Variants in SLC26A5 observed in about 807,000 individuals in gnomAD.
The protein encoded by SLC26A5 is prestin.
Under a neutral mutation model 81.0 loss-of-function variants are expected in SLC26A5, and 51 were observed. The observed-to-expected ratio is 0.63, with a 90% CI of 0.50 to 0.80. The LOEUF is 0.80. Among genes scored for constraint, SLC26A5 ranks in the 30% least tolerant of loss-of-function variants. SLC26A5 has a pLI of 0.00. For synonymous variants in SLC26A5, 325 were observed against 332.8 expected, an observed-to-expected ratio of 0.98 and a Z score of 0.25; for missense variants, 771 against 905.8, an observed-to-expected ratio of 0.85 and a Z score of 1.91.
intron 14 of SLC26A5, among the ~76,000 whole-genome samples, chr7:103,381,917 C>G (rs773592762): frequency 2.1e-5 from 3 of 141,106 alleles, no homozygotes; most frequent in Non-Finnish European, 4.7e-5. Flanking sequence ...ACATCACATA[C>G]ACCTCACACT....
intron 8 of SLC26A5, among the ~76,000 whole-genome samples, chr7:103,401,130 G>T (rs1823554558): frequency 6.6e-6 from 1 of 152,058 alleles, no homozygotes; most frequent in Non-Finnish European, 1.5e-5. Context: ...GGATAGCATT[G>T]AATCTATAAA....
At position 103,420,790 on chromosome 7, in the gene SLC26A5, C is replaced by A; in HGVS notation, c.240G>T (p.Val80=). 1.2e-6 allele frequency: 2 copies of A among 1,614,136 alleles called. No individual in the cohort carries two copies. Among genetic ancestry groups the A allele is most frequent in the Non-Finnish European group, 1.7e-6 (2 of 1,179,978 alleles). The change falls in exon 4 of 20, where the codon GTG becomes GTT. Residue 80 remains valine, a synonymous_variant. Transcript: ENST00000306312. The part of the protein sequence containing the change: ...WLPAYKFKEY[V]LGDLVSGIST... ...TTATGCCTGAGACCAAGTCACCCAA[C>A]ACATATTCCTTGAATTTGTATGCTG...
intron 1 of SLC26A5, among the ~76,000 whole-genome samples, chr7:103,444,126 A>C (rs917197430): frequency 5.3e-5 from 8 of 152,252 alleles, no homozygotes; most frequent in African/African-American, 1.9e-4. Flanking sequence ...AAAAGAGTTC[A>C]TGAAATTGGA....
intron 8 of SLC26A5, 137 bp downstream of exon 8, chr7:103,407,714 T>C: frequency 1.0e-6 from 1 of 970,670 alleles, no homozygotes; most frequent in South Asian, 1.6e-5. Flanking sequence ...AATGAATTTG[T>C]CAAATTTGAC....
At chr7:103,379,501 TAAGAA>T (rs911794719) in intron 15 of SLC26A5, among the ~76,000 whole-genome samples, 166 bp from the exon 16 acceptor site, 27 of 141,636 alleles carry the variant, frequency 1.9e-4, no homozygotes, top group African/African-American at 6.2e-4. Flanking sequence ...AAAAAAAAGA[TAAGAA>T]AAGAAAAAAA....
At chr7:103,371,997 A>G (rs1821073429), downstream of SLC26A5, among the ~76,000 whole-genome samples, 1 of 152,214 alleles carries the variant, frequency 6.6e-6, no homozygotes, top group African/African-American at 2.4e-5. Context: ...ACCTGGCCGA[A>G]GTATTTTATA....
intron 14 of SLC26A5, among the ~76,000 whole-genome samples, chr7:103,383,483 T>A (rs916127578): frequency 1.3e-5 from 2 of 152,156 alleles, no homozygotes; most frequent in Non-Finnish European, 2.9e-5. Flanking sequence ...TAAATACTAT[T>A]GCTCCCAGTG....
At chr7:103,387,510 T>C (rs545034028) in intron 14 of SLC26A5, among the ~76,000 whole-genome samples, 55 of 152,350 alleles carry the variant, frequency 3.6e-4, no homozygotes, top group Non-Finnish European at 6.2e-4. Context: ...TCAGGCACTG[T>C]GCTGGCTGTT....
At chr7:103,354,799 T>C (rs750235090) in intron 19 of SLC26A5, 4 of 1,003,918 alleles carry the variant, frequency 4.0e-6, no homozygotes, top group Non-Finnish European at 6.1e-6. Flanking sequence ...TTAAAAATAA[T>C]TTTTACCTGT....
At chr7:103,437,124 A>G (rs373069156) in intron 2 of SLC26A5, among the ~76,000 whole-genome samples, 3 of 152,360 alleles carry the variant, frequency 2.0e-5, no homozygotes, top group African/African-American at 7.2e-5. Context: ...AAATGGGCAA[A>G]GGACCAGAAT....
Position 103,367,843 on chromosome 7 carries a change from C to T in SLC26A5, c.2041+8965G>A. The T allele has an allele frequency of 6.2e-7, 1 of 1,612,278 alleles. No homozygotes were observed. Among genetic ancestry groups the T allele is most frequent in the South Asian group, 1.1e-5 (1 of 90,792 alleles). ...AAAGTTCTTGCTTATATTTGCTGGT[C>T]TGTCTGCTCAGGCTGCTTTAATTAA... On this transcript the variant is annotated intron_variant, in intron 19 of 19. Transcript: ENST00000339444. This position sits in a 1 kb window ranked among gnomAD's most constrained non-coding sequence, Gnocchi z 6.1.
In SLC26A5 at chr7:103,400,779, T is replaced by C. The variant is rs569287433; in HGVS notation, c.889-2765A>G. Among the ~76,000 whole-genome samples the C allele has an allele frequency of 1.6e-4, 24 of 152,332 alleles. No homozygotes were observed. The East Asian group carries it at 3.9e-3, about 24-fold the overall frequency. ...AGAAAGGGGTGCAGTTTTCCACATA[T>C]GGCTAGCCAGTTTTCCCAACACCAT... On this transcript the variant is annotated intron_variant, in intron 8 of 19. Transcript: ENST00000306312.
At chr7:103,363,310 G>C in intron 19 of SLC26A5, 1 of 1,531,282 alleles carries the variant, frequency 6.5e-7, no homozygotes, top group Non-Finnish European at 9.0e-7. Flanking sequence ...AAAAGCCTGT[G>C]ACTGTATGTT....
At chr7:103,355,800 A>G (rs777282950) in intron 19 of SLC26A5, 2 of 1,598,726 alleles carry the variant, frequency 1.3e-6, no homozygotes, top group Non-Finnish European at 1.7e-6. Flanking sequence ...CCAGGTATGC[A>G]CGGGTGCTCT....
At chr7:103,408,568 G>A (rs1824244661) in intron 7 of SLC26A5, among the ~76,000 whole-genome samples, 1 of 152,146 alleles carries the variant, frequency 6.6e-6, no homozygotes, top group Admixed American at 6.6e-5. Context: ...ATCATATGCT[G>A]ATGTCTCAAT....
intron 4 of SLC26A5, among the ~76,000 whole-genome samples, chr7:103,416,575 T>C (rs1824927378): frequency 6.6e-6 from 1 of 152,224 alleles, no homozygotes; most frequent in Non-Finnish European, 1.5e-5. Context: ...ACCAGTTCCC[T>C]TGCTTTTAGC....
At chr7:103,395,459 T>TTATA (rs1391538240) in intron 9 of SLC26A5, among the ~76,000 whole-genome samples, 1 of 143,980 alleles carries the variant, frequency 6.9e-6, no homozygotes, top group Non-Finnish European at 1.5e-5. Context: ...ACAAGTAGAT[T>TTATA]TATATATATA....
chr7:103,422,041 A>T (rs1160558866), intron 2 of SLC26A5, among the ~76,000 whole-genome samples: 1 of 152,222 alleles, frequency 6.6e-6, no homozygotes, highest in Non-Finnish European at 1.5e-5. Context: ...TTAGGCTTAC[A>T]TGTCTGTTTG....
intron 2 of SLC26A5, among the ~76,000 whole-genome samples, chr7:103,428,664 G>C (rs1167258909): frequency 6.6e-6 from 1 of 151,022 alleles, no homozygotes; most frequent in Non-Finnish European, 1.5e-5. Context: ...CCAGGTTCAA[G>C]CGATTCTCCT....
Sources: gnomAD v4.1 joint callset for allele counts (sites outside exome capture counted in the v4.1 genomes callset) on GRCh38, gnomAD v4.1.1 for gene constraint, Gnocchi (gnomAD v3.1) non-coding constraint, MANE v1.5 for transcripts, NCBI Gene and HGNC (gene_info 2026-07-23, HGNC 2026-07-21) for gene names.